The following GRB14 variants were observed in gnomAD, a reference collection of about 807,000 sequenced individuals.
GRB14 encodes growth factor receptor bound protein 14.
A neutral mutation model predicts 69.1 loss-of-function variants in GRB14; 38 were observed. The ratio of observed to expected loss-of-function variants is 0.55; its 90% CI spans 0.42 to 0.72. The LOEUF (loss-of-function observed/expected upper bound fraction) is 0.72. GRB14 is among the 30% of genes least tolerant of loss of function. GRB14 has a pLI of 0.00. For synonymous variants in GRB14, 247 were observed against 241.3 expected (o/e 1.02, Z -0.22); for missense variants, 666 against 666.1 (o/e 1.00, Z 0.00).
At chr2:164,556,513 T>A (rs1404333861) in intron 2 of GRB14, among the ~76,000 whole-genome samples, 1 of 152,190 alleles carries the variant, frequency 6.6e-6, no homozygotes, top group African/African-American at 2.4e-5. Context: ...TTTCACTTTA[T>A]TCCCTACAAT....
chr2:164,591,158 T>C (rs758165250), intron 2 of GRB14, among the ~76,000 whole-genome samples: 3 of 152,172 alleles, frequency 2.0e-5, no homozygotes, highest in South Asian at 4.1e-4. Context: ...CTCTTCCACA[T>C]CAATCATTTG....
chr2:164,524,234 G>T (rs1687711325), intron 5 of GRB14, among the ~76,000 whole-genome samples: 1 of 152,052 alleles, frequency 6.6e-6, no homozygotes, highest in Admixed American at 6.6e-5. Flanking sequence ...GATGCATGGG[G>T]CTGAGCTCAA....
intron 2 of GRB14, among the ~76,000 whole-genome samples, chr2:164,617,073 A>C (rs2105364229): frequency 6.6e-6 from 1 of 152,312 alleles, no homozygotes; most frequent in African/African-American, 2.4e-5. Context: ...ACTAAAGCAA[A>C]AGGATCAGTT....
In GRB14 at chr2:164,494,123, A is replaced by G. The variant is rs924144198; in HGVS notation, c.1476+308T>C. Among the ~76,000 whole-genome samples the G allele has an allele frequency of 2.0e-5, 3 of 152,334 alleles. No individual in the cohort carries two copies. The East Asian group carries it at 5.8e-4, about 29-fold the overall frequency. On this transcript the variant is annotated intron_variant, in intron 13 of 13. Transcript: ENST00000263915. ...TGTTTTCTAAAGAGCCGTTAGTGGAATTCAGGAGAAAGAAGCTTTAGTGCC... is the reference window on the plus strand; with the variant it reads ...TGTTTTCTAAAGAGCCGTTAGTGGAGTTCAGGAGAAAGAAGCTTTAGTGCC...
At position 164,621,275 on chromosome 2, in the gene GRB14, G is replaced by C. The variant is rs1690456299; in HGVS notation, c.35C>G (p.Ala12Gly). ...TTSLQDGQSA[A>G]SRAAARDSPL... is the part of the protein sequence containing the mutation. The stretch of plus-strand genomic sequence containing the variant: ...CGAATCCCGGGCAGCCGCCCTGCTC[G>C]CGGCGCTCTGCCCATCTTGCAGGGA... The change falls in exon 1 of 14, where the codon GCG becomes GGG. Residue 12 changes from alanine (A) to glycine (G), a missense_variant. Coordinates refer to ENST00000263915, the MANE Select transcript of GRB14 (RefSeq NM_004490.3). This position sits in a 1 kb window ranked among gnomAD's most constrained non-coding sequence, Gnocchi z 6.0. The C allele has an allele frequency of 3.9e-6, 5 of 1,284,166 alleles. No individual in the cohort carries two copies. The East Asian group carries it at 1.4e-4, about 37-fold the overall frequency. The allele number at this position is 1,284,166 out of a possible 1,614,324, so 79.5% of individuals were successfully genotyped here. A position where few individuals can be genotyped will look rare whatever the true frequency, so the allele number is the denominator to read the frequency against.
chr2:164,614,198 T>C (rs896247817), intron 2 of GRB14, among the ~76,000 whole-genome samples: 2 of 152,220 alleles, frequency 1.3e-5, no homozygotes, highest in Admixed American at 6.5e-5. Flanking sequence ...CACTCAAAAG[T>C]AGCAAATTGC....
chr2:164,608,155 T>A (rs1280036029), intron 2 of GRB14, among the ~76,000 whole-genome samples: 2 of 152,122 alleles, frequency 1.3e-5, no homozygotes, highest in Non-Finnish European at 2.9e-5. Context: ...GCAGATCAAC[T>A]GAGGTCAGGA....
intron 3 of GRB14, among the ~76,000 whole-genome samples, chr2:164,530,618 T>TAG (rs1687904332): frequency 6.6e-6 from 1 of 151,142 alleles, no homozygotes. Flanking sequence ...GCCAAGCAGA[T>TAG]AGAGAGGAGA....
intron 2 of GRB14, among the ~76,000 whole-genome samples, chr2:164,578,791 GC>G (rs1267916131): frequency 6.6e-6 from 1 of 152,210 alleles, no homozygotes; most frequent in Non-Finnish European, 1.5e-5. Flanking sequence ...GAGAAGCCAT[GC>G]CCTTGACATA....
At chr2:164,593,757 G>A (rs1234483889) in intron 2 of GRB14, among the ~76,000 whole-genome samples, 1 of 152,192 alleles carries the variant, frequency 6.6e-6, no homozygotes, top group Non-Finnish European at 1.5e-5. Context: ...CAGAAGAATG[G>A]AAATTTCCAG....
intron 2 of GRB14, among the ~76,000 whole-genome samples, chr2:164,583,959 C>T (rs1433839313): frequency 6.6e-6 from 1 of 151,094 alleles, no homozygotes; most frequent in Admixed American, 6.6e-5. Flanking sequence ...TAATAAAATC[C>T]TATATTATTA....
chr2:164,550,559 T>C (rs1191686765), intron 2 of GRB14, among the ~76,000 whole-genome samples: 1 of 152,202 alleles, frequency 6.6e-6, no homozygotes, highest in African/African-American at 2.4e-5. Context: ...TTTGTACATC[T>C]ATTGGAGAAT....
intron 2 of GRB14, among the ~76,000 whole-genome samples, chr2:164,600,398 T>A (rs1689887188): frequency 6.6e-6 from 1 of 152,180 alleles, no homozygotes; most frequent in Non-Finnish European, 1.5e-5. Flanking sequence ...ATATAAAGCA[T>A]GTGGATGTAT....
intron 2 of GRB14, among the ~76,000 whole-genome samples, chr2:164,553,129 A>G (rs190523563): frequency 6.6e-6 from 1 of 152,296 alleles, no homozygotes; most frequent in East Asian, 1.9e-4. Context: ...CTTATTTTGC[A>G]TGTTCTATCT....
At chr2:164,601,595 T>C (rs1028415995) in intron 2 of GRB14, among the ~76,000 whole-genome samples, 5 of 152,160 alleles carry the variant, frequency 3.3e-5, no homozygotes, top group African/African-American at 7.2e-5. Flanking sequence ...TAACCCTTGA[T>C]CTTTGACCCT....
chr2:164,551,686 C>A (rs1574300070), intron 2 of GRB14, among the ~76,000 whole-genome samples: 1 of 152,158 alleles, frequency 6.6e-6, no homozygotes, highest in African/African-American at 2.4e-5. Context: ...GGCAAACTTC[C>A]ACCTAAATTT....
At chr2:164,617,972 G>T (rs1234414645) in intron 2 of GRB14, among the ~76,000 whole-genome samples, 5 of 96,340 alleles carry the variant, frequency 5.2e-5, no homozygotes, top group Non-Finnish European at 1.0e-4. Context: ...GGGGGGGGGG[G>T]TAGTGTCAGC....
intron 9 of GRB14, among the ~76,000 whole-genome samples, chr2:164,501,250 T>A (rs1238859843): frequency 6.6e-6 from 1 of 152,014 alleles, no homozygotes; most frequent in Non-Finnish European, 1.5e-5. Context: ...AAAATTGGAG[T>A]TCTTTTTCTA....
intron 8 of GRB14, 93 bp from the exon 9 acceptor site, chr2:164,502,428 T>C: frequency 1.3e-6 from 1 of 760,800 alleles, no homozygotes; most frequent in Non-Finnish European, 2.2e-6. Context: ...ACAATATAAA[T>C]ATAAAAACAA....
Sources: gnomAD v4.1 joint callset for allele counts (sites outside exome capture counted in the v4.1 genomes callset) on GRCh38, gnomAD v4.1.1 for gene constraint, Gnocchi (gnomAD v3.1) non-coding constraint, MANE v1.5 for transcripts, NCBI Gene and HGNC (gene_info 2026-07-23, HGNC 2026-07-21) for gene names.